Variants in SURF1 observed in about 807,000 individuals in gnomAD.
SURF1 encodes the protein SURF1 cytochrome c oxidase assembly factor.
Under a neutral mutation model 34.1 loss-of-function variants are expected in SURF1, and 45 were observed. That is an observed-to-expected ratio of 1.32 (90% confidence interval 1.04 to 1.69). The LOEUF is 1.69. SURF1 is among the 40% of genes most tolerant of loss of function. SURF1 has a pLI of 0.00. For synonymous variants in SURF1, 188 were observed against 147.5 expected (o/e 1.27, Z -1.99); for missense variants, 456 against 384.6 (o/e 1.19, Z -1.55).
rs1354129981 is a variant in SURF1 at position 133,352,675 on chromosome 9, A to AACT, written c.588+18_588+19insAGT. 1.2e-6 allele frequency: 2 copies of AACT among 1,613,648 alleles called. No individual in the cohort carries two copies. Among genetic ancestry groups the AACT allele is most frequent in the Non-Finnish European group, 1.7e-6 (2 of 1,179,880 alleles). On this transcript the variant is annotated intron_variant, in intron 6 of 8. Coordinates refer to ENST00000371974, the MANE Select transcript of SURF1 (RefSeq NM_003172.4). ...CTCCCAGAGCCTTCTCTAAAGTAGG[A>AACT]AGAGTCCATGTCCCTTACCTGGCCT...
chr9:133,356,159 A>C, intron 2 of SURF1, 110 bp downstream of exon 2: 11 of 1,364,752 alleles, frequency 8.1e-6, no homozygotes, highest in South Asian at 1.2e-5. Context: ...GCCTCCGCTC[A>C]GCCGGCAGTT....
intron 2 of SURF1, 140 bp from the exon 3 acceptor site, chr9:133,355,097 G>C (rs1836539820): frequency 8.9e-7 from 1 of 1,126,460 alleles, no homozygotes; most frequent in South Asian, 1.2e-5. Flanking sequence ...ATCCAGCCCA[G>C]CTCCTAACCC....
In SURF1 at chr9:133,356,382, C is replaced by T; in HGVS notation, c.54+18G>A. 1 of 1,402,208 alleles carries T rather than the reference C, an allele frequency of 7.1e-7. No homozygotes were observed. 86.9% of individuals were successfully genotyped at this position (1,402,208 alleles called of 1,614,324 possible). ...CCTCCCCGCGCCCCGCACCCCGCAC[C>T]CCGCACCCGGCGCTCACCCGTCCCA... On this transcript the variant is annotated intron_variant, in intron 1 of 8. Transcript: ENST00000371974.
chr9:133,353,060 C>T (rs1462386492), intron 5 of SURF1, among the ~76,000 whole-genome samples: 4 of 152,170 alleles, frequency 2.6e-5, no homozygotes, highest in Admixed American at 6.5e-5. Flanking sequence ...TGGTGAGCAA[C>T]GCTGCCACGC....
intron 7 of SURF1, 75 bp downstream of exon 7, chr9:133,352,371 G>C: frequency 1.2e-6 from 2 of 1,603,322 alleles, no homozygotes; most frequent in Non-Finnish European, 1.7e-6. Flanking sequence ...AGTAGTGACT[G>C]GGCAATGAGG....
At chr9:133,352,189 C>G in intron 7 of SURF1, 47 bp from the exon 8 acceptor site, 1 of 1,536,048 alleles carries the variant, frequency 6.5e-7, no homozygotes, top group Non-Finnish European at 8.8e-7. Context: ...GCCTGCCAGC[C>G]TCTGCACCAC....
chr9:133,351,806 C>T lies in SURF1; in HGVS notation c.*107G>A, dbSNP rs1836416376. ...TTTTATGATGAACCAGTCATGAGCT[C>T]ATTTAAGGTAGAAGGCCAGAACTTT... On this transcript the variant is annotated 3_prime_UTR_variant, in exon 9 of 9. Transcript: ENST00000371974. 3 of 1,262,390 alleles carry T rather than the reference C, an allele frequency of 2.4e-6. No homozygotes were observed. The highest frequency in any genetic ancestry group is 3.4e-6 in the Non-Finnish European group (3 of 885,526). The allele number at this position is 1,262,390 out of a possible 1,614,324, so 78.2% of individuals were successfully genotyped here.
chr9:133,356,463 C>G lies in SURF1; in HGVS notation c.-10G>C. ...CAGCCACCGCCGCCATCGCACCCGG[C>G]CCCGCGGGCGCTTCCGGGACGCAGG... On this transcript the variant is annotated 5_prime_UTR_variant, in exon 1 of 9. Coordinates refer to ENST00000371974, the MANE Select transcript of SURF1 (RefSeq NM_003172.4). 4 of 1,424,076 alleles carry G rather than the reference C, an allele frequency of 2.8e-6. No individual in the cohort carries two copies. In the South Asian group the frequency reaches 5.7e-5, roughly 20 times the overall value. The allele number at this position is 1,424,076 out of a possible 1,614,324, so 88.2% of individuals were successfully genotyped here. A position where few individuals can be genotyped will look rare whatever the true frequency, so the allele number is the denominator to read the frequency against.
Position 133,352,853 on chromosome 9 carries a change from A to C in SURF1, c.516-87T>G. ...GGTCACTCAGGCACCCATAGGAACA[A>C]CTAGAGCACCAAGGAAGGCTTTTAA... On this transcript the variant is annotated intron_variant, in intron 5 of 8. Transcript: ENST00000371974. 2.2e-6 allele frequency: 3 copies of C among 1,393,576 alleles called. No individual in the cohort carries two copies. The South Asian group carries it at 3.7e-5, about 17-fold the overall frequency. The allele number at this position is 1,393,576 out of a possible 1,614,324, so 86.3% of individuals were successfully genotyped here.
intron 2 of SURF1, 109 bp downstream of exon 2, chr9:133,356,160 G>T: frequency 7.1e-7 from 1 of 1,400,000 alleles, no homozygotes; most frequent in Non-Finnish European, 9.7e-7. Flanking sequence ...CCTCCGCTCA[G>T]CCGGCAGTTG....
In SURF1 at chr9:133,352,624, T is replaced by G; in HGVS notation, c.589-16A>C. 1.2e-6 allele frequency: 2 copies of G among 1,614,114 alleles called. No homozygotes were observed. Among genetic ancestry groups the G allele is most frequent in the Non-Finnish European group, 1.7e-6 (2 of 1,179,994 alleles). The stretch of plus-strand genomic sequence containing the variant: ...CTCCCTCAATCTATAAAGGAAGGTG[T>G]GTGAGATTGCATGGAGCCTGGTGGA... On this transcript the variant is annotated splice_polypyrimidine_tract_variant and intron_variant, in intron 6 of 8. Transcript: ENST00000371974.
At position 133,352,800 on chromosome 9, in the gene SURF1, G is replaced by A. The variant is rs2130010364; in HGVS notation, c.516-34C>T. ...ATGAAAGTGCTACTTCAGGTGGGGA[G>A]GGTTTTTGACTAAAGACAGTCACTC... On this transcript the variant is annotated intron_variant, in intron 5 of 8. Transcript: ENST00000371974. 8 of 1,591,330 alleles carry A rather than the reference G, an allele frequency of 5.0e-6. No individual in the cohort carries two copies. In the South Asian group the frequency reaches 7.9e-5, roughly 16 times the overall value.
chr9:133,356,417 C>T lies in SURF1; in HGVS notation c.37G>A (p.Ala13Thr), dbSNP rs1158938384. The change falls in exon 1 of 9, where the codon GCG becomes ACG. Residue 13 changes from alanine (A) to threonine (T), a missense_variant. Coordinates refer to ENST00000371974, the MANE Select transcript of SURF1 (RefSeq NM_003172.4). ...AVAALQLGLR[A>T]AGLGRAPASA... ...GCGCTCACCCGTCCCAGCCCCGCCG[C>T]CCGCAGCCCCAGCTGCAACGCAGCC... 7.5e-7 allele frequency: 1 copy of T among 1,333,632 alleles called. No homozygotes were observed. The highest frequency in any genetic ancestry group is 1.7e-5 in the South Asian group (1 of 57,788). 82.6% of individuals were successfully genotyped at this position (1,333,632 alleles called of 1,614,324 possible). A position where few individuals can be genotyped will look rare whatever the true frequency, so the allele number is the denominator to read the frequency against.
intron 4 of SURF1, 92 bp from the exon 5 acceptor site, chr9:133,354,032 C>A: frequency 6.8e-7 from 1 of 1,462,356 alleles, no homozygotes; most frequent in Non-Finnish European, 9.6e-7. Context: ...CAGGGCCAGA[C>A]AAGTGAAGGA....
At chr9:133,352,290 C>A (rs2130006059) in intron 7 of SURF1, 148 bp from the exon 8 acceptor site, 13 of 1,407,860 alleles carry the variant, frequency 9.2e-6, no homozygotes, top group Non-Finnish European at 1.3e-5. Flanking sequence ...CCGCTCAGTA[C>A]TTGCCTAGGT....
intron 5 of SURF1, 149 bp downstream of exon 5, chr9:133,353,600 C>T (rs1293620820): frequency 1.1e-6 from 1 of 905,104 alleles, no homozygotes; most frequent in Non-Finnish European, 1.8e-6. Flanking sequence ...CAATTAGGGA[C>T]TTAAACTATG....
chr9:133,351,874 A>G lies in SURF1; in HGVS notation c.*39T>C, dbSNP rs2130002141. 6.2e-7 allele frequency: 1 copy of G among 1,600,922 alleles called. No homozygotes were observed. Among genetic ancestry groups the G allele is most frequent in the South Asian group, 1.1e-5 (1 of 89,384 alleles). ...TCCAGCATAAAGGCAGTCTTGAAAT[A>G]CTGCATTATCCAGGGACAGGGCTTC... On this transcript the variant is annotated 3_prime_UTR_variant, in exon 9 of 9. Coordinates refer to ENST00000371974, the MANE Select transcript of SURF1 (RefSeq NM_003172.4).
rs2130008062 is a variant in SURF1, at chr9:133,352,587, T to A, written c.610A>T (p.Ile204Phe). The A allele has an allele frequency of 1.9e-6, 3 of 1,614,190 alleles. No individual in the cohort carries two copies. The highest frequency in any genetic ancestry group is 2.5e-6 in the Non-Finnish European group (3 of 1,180,028). Residue 204 changes from isoleucine to phenylalanine, a missense_variant, in exon 7 of 9, where the codon ATT becomes TTT. Physicochemically the swap from Ile to Phe is conservative, Grantham distance 21 (BLOSUM62 0). Transcript: ENST00000371974. ...GTTTCTGTCAGCCTCACCATCCCAA[T>A]GAGGTCCACTTCTCCCTCAATCTAT... ...KGQIEGEVDLIGMVRLTETRQ... is the reference protein window; with the variant it reads ...KGQIEGEVDLFGMVRLTETRQ...
At chr9:133,354,371 G>C (rs944075989) in intron 4 of SURF1, 5 of 521,692 alleles carry the variant, frequency 9.6e-6, no homozygotes, top group Non-Finnish European at 1.7e-5. Context: ...TCAGCCACAG[G>C]GCCTTGGGCC....
Sources: allele counts gnomAD v4.1 joint callset (sites outside exome capture counted in the v4.1 genomes callset), GRCh38; gene constraint gnomAD v4.1.1; transcripts MANE v1.5; gene names NCBI Gene and HGNC (gene_info 2026-07-23, HGNC 2026-07-21).